Variants in SMYD3 observed in about 807,000 individuals in gnomAD.
SMYD3 encodes SET and MYND domain containing 3, also known as histone-lysine N-methyltransferase SMYD3.
Under a neutral mutation model 57.7 loss-of-function variants are expected in SMYD3, and 36 were observed. That is an observed-to-expected ratio of 0.62 (90% CI 0.48 to 0.82). SMYD3 has a LOEUF of 0.82. Among genes scored for constraint, SMYD3 ranks in the 40% least tolerant of loss-of-function variants. The pLI is 0.00. For missense variants in SMYD3, 515 were observed against 538.8 expected (o/e 0.96, Z 0.44); for synonymous variants, 211 against 195.0 (o/e 1.08, Z -0.68).
At chr1:246,025,031 A>C (rs1043685752) in intron 5 of SMYD3, among the ~76,000 whole-genome samples, 128 of 150,368 alleles carry the variant, frequency 8.5e-4, no homozygotes, top group African/African-American at 3.1e-3. Context: ...GCAAGTGGAC[A>C]GCATCTAGGA....
In SMYD3 at chr1:245,881,195, C is replaced by G. The variant is rs550557919; in HGVS notation, c.814-17309G>C. Among the ~76,000 whole-genome samples the G allele has an allele frequency of 2.0e-5, 3 of 152,316 alleles. No homozygotes were observed. The South Asian group carries it at 6.2e-4, about 32-fold the overall frequency. ...CAAACCAACACTGTGTTACTCAAGT[C>G]TGGTTTCATCAACTCTGGAATGTGT... On this transcript the variant is annotated intron_variant, in intron 8 of 11. Transcript: ENST00000490107.
At chr1:246,448,869 C>T (rs2067591168) in intron 1 of SMYD3, among the ~76,000 whole-genome samples, 1 of 152,032 alleles carries the variant, frequency 6.6e-6, no homozygotes, top group South Asian at 2.1e-4. Flanking sequence ...GTTGGCTCAC[C>T]TACAGCTTCC....
Position 245,863,784 on chromosome 1 carries a change from C to T in SMYD3, c.901+15G>A, listed in dbSNP as rs764893639. On this transcript the variant is annotated intron_variant, in intron 9 of 11. Transcript: ENST00000490107. The stretch of plus-strand genomic sequence containing the variant: ...AATCCCAACAGTCCACCTCAATCCA[C>T]AGGCGAAAGGATACTCCAGTGTGCC... 2 of 1,611,178 alleles carry T rather than the reference C, an allele frequency of 1.2e-6. No individual in the cohort carries two copies. The highest frequency in any genetic ancestry group is 1.7e-6 in the Non-Finnish European group (2 of 1,177,366).
intron 10 of SMYD3, among the ~76,000 whole-genome samples, chr1:245,777,107 T>C (rs1391384424): frequency 2.0e-5 from 3 of 152,150 alleles, no homozygotes; most frequent in Non-Finnish European, 4.4e-5. Context: ...CAACCATGAA[T>C]AGGTCTGGGA....
intron 1 of SMYD3, among the ~76,000 whole-genome samples, chr1:246,423,296 CA>C (rs11386183): frequency 7.3e-4 from 88 of 120,162 alleles, no homozygotes; most frequent in African/African-American, 6.0e-4. Context: ...GACTCCAACT[CA>C]AAAAAAAAAA....
intron 10 of SMYD3, among the ~76,000 whole-genome samples, chr1:245,820,704 G>A (rs956493567): frequency 9.9e-5 from 15 of 151,874 alleles, no homozygotes; most frequent in East Asian, 1.9e-4. Flanking sequence ...AAGTCTCAGG[G>A]TACAAAATCA....
intron 1 of SMYD3, among the ~76,000 whole-genome samples, chr1:246,477,069 T>C (rs1366717558): frequency 6.6e-6 from 1 of 152,212 alleles, no homozygotes; most frequent in Non-Finnish European, 1.5e-5. Context: ...TGATGTGAAT[T>C]GAAACCAATT....
At chr1:246,506,999 C>CCCCAGCACCCCACACAGCT in intron 1 of SMYD3, 55 bp downstream of exon 1, 1 of 972,784 alleles carries the variant, frequency 1.0e-6, no homozygotes, top group Non-Finnish European at 1.3e-6. Context: ...GCCCCCCCCT[C>CCCCAGCACCCCACACAGCT]CCCAGCACCC....
chr1:246,419,743 G>A (rs1237361154), intron 1 of SMYD3, among the ~76,000 whole-genome samples: 1 of 152,192 alleles, frequency 6.6e-6, no homozygotes, highest in African/African-American at 2.4e-5. Flanking sequence ...AGGGATCTAA[G>A]TTGCATGCTC....
chr1:246,185,449 CTTTTTTTTTTT>C (rs1183038960), intron 5 of SMYD3, among the ~76,000 whole-genome samples: 2 of 80,046 alleles, frequency 2.5e-5, no homozygotes, highest in Non-Finnish European at 4.5e-5. Flanking sequence ...GTTAGTGATT[CTTTTTTTTTTT>C]TTTTTTTTTT....
At chr1:245,895,259 C>G (rs1558468415) in intron 8 of SMYD3, among the ~76,000 whole-genome samples, 1 of 152,142 alleles carries the variant, frequency 6.6e-6, no homozygotes, top group Non-Finnish European at 1.5e-5. Context: ...AGGTAACATA[C>G]AGCAATGTTA....
intron 5 of SMYD3, chr1:245,953,122 C>T (rs946323538): frequency 1.5e-5 from 11 of 715,694 alleles, no homozygotes; most frequent in African/African-American, 1.9e-5. Context: ...AAAATAAACA[C>T]CTTTGGGTAA....
chr1:246,080,262 C>T (rs912839471), intron 5 of SMYD3, among the ~76,000 whole-genome samples: 47 of 152,070 alleles, frequency 3.1e-4, no homozygotes, highest in African/African-American at 1.0e-3. Context: ...CACCGGAGCT[C>T]AGAGCAGTGG....
At chr1:246,278,469 T>C (rs2064378876) in intron 5 of SMYD3, among the ~76,000 whole-genome samples, 1 of 152,216 alleles carries the variant, frequency 6.6e-6, no homozygotes, top group South Asian at 2.1e-4. Flanking sequence ...CTAGAAGCTC[T>C]TCTTGCTGAC....
intron 5 of SMYD3, among the ~76,000 whole-genome samples, chr1:246,079,912 T>C (rs2060610242): frequency 2.0e-5 from 3 of 152,116 alleles, no homozygotes; most frequent in African/African-American, 7.2e-5. Context: ...GATAGAGCAG[T>C]TTAATGCCCA....
intron 5 of SMYD3, among the ~76,000 whole-genome samples, chr1:246,233,880 T>C (rs1219176367): frequency 1.5e-5 from 2 of 129,764 alleles, no homozygotes; most frequent in Non-Finnish European, 3.3e-5. Context: ...GAAGCACTCC[T>C]CAATTCACAC....
At chr1:246,473,977 C>G (rs1218493497) in intron 1 of SMYD3, among the ~76,000 whole-genome samples, 1 of 152,044 alleles carries the variant, frequency 6.6e-6, no homozygotes, top group Admixed American at 6.5e-5. Context: ...CAAAAGATAA[C>G]AAAAAAATCT....
chr1:246,145,846 A>T (rs937127700), intron 5 of SMYD3, among the ~76,000 whole-genome samples: 3 of 152,256 alleles, frequency 2.0e-5, no homozygotes, highest in Admixed American at 6.5e-5. Context: ...TGACAATCCA[A>T]GATCGAATCT....
chr1:246,040,690 A>G (rs2059854442), intron 5 of SMYD3, among the ~76,000 whole-genome samples: 1 of 152,166 alleles, frequency 6.6e-6, no homozygotes, highest in Non-Finnish European at 1.5e-5. Context: ...ATCTCCTTTC[A>G]TTTGAAAAGG....
Sources: gnomAD v4.1 joint callset for allele counts (sites outside exome capture counted in the v4.1 genomes callset) on GRCh38, gnomAD v4.1.1 for gene constraint, MANE v1.5 for transcripts, NCBI Gene and HGNC (gene_info 2026-07-23, HGNC 2026-07-21) for gene names.